RTF1: variants seen among roughly 807,000 people sequenced by gnomAD.
RTF1 encodes RTF1 homolog, Paf1/RNA polymerase II complex component.
Under a neutral mutation model 95.7 loss-of-function variants are expected in RTF1, and 10 were observed. The ratio of observed to expected loss-of-function variants is 0.10; its 90% CI spans 0.06 to 0.18. The LOEUF (loss-of-function observed/expected upper bound fraction) is 0.18, where lower values mean the gene tolerates loss of function less well. Ranked by LOEUF, RTF1 falls within the 10% of genes least tolerant of loss-of-function variation. The pLI is 1.00. For missense variants in RTF1, 458 were observed against 875.6 expected, an observed-to-expected ratio of 0.52 and a Z score of 6.02; for synonymous variants, 305 against 311.8, an observed-to-expected ratio of 0.98 and a Z score of 0.23.
At chr15:41,449,606 G>T (rs1223962077) in intron 2 of RTF1, among the ~76,000 whole-genome samples, 1 of 151,810 alleles carries the variant, frequency 6.6e-6, no homozygotes, top group Non-Finnish European at 1.5e-5. Flanking sequence ...GCCTCCCAAA[G>T]TGCTGGGATT....
chr15:41,427,033 G>A (rs1275534689), intron 1 of RTF1, among the ~76,000 whole-genome samples: 3 of 150,446 alleles, frequency 2.0e-5, no homozygotes, highest in African/African-American at 7.3e-5. Context: ...GTAGAGATAG[G>A]GTTTCACCAT....
Position 41,480,575 on chromosome 15 carries a change from CCA to C in RTF1, c.2027-3_2027-2del, listed in dbSNP as rs779546321. 6 of 1,609,434 alleles carry C rather than the reference CCA, an allele frequency of 3.7e-6. No homozygotes were observed. The Middle Eastern group carries it at 9.9e-4, about 266-fold the overall frequency. ...TCAGCTGCCAACTTGCTCTTCTTTC[CCA>C]CAGAGTCAAAGGCTTTAGCCATCAC... is the stretch of plus-strand genomic sequence containing the variant. On this transcript the variant is annotated splice_region_variant and splice_polypyrimidine_tract_variant and intron_variant, in intron 17 of 17. Coordinates refer to ENST00000389629, the MANE Select transcript of RTF1 (RefSeq NM_015138.5).
At chr15:41,456,641 A>G (rs1383252565) in intron 3 of RTF1, among the ~76,000 whole-genome samples, 1 of 151,806 alleles carries the variant, frequency 6.6e-6, no homozygotes, top group Non-Finnish European at 1.5e-5. Context: ...TGCTGAAAAT[A>G]TAAAAATTAG....
At chr15:41,434,784 T>C (rs536714468) in intron 1 of RTF1, among the ~76,000 whole-genome samples, 67 of 151,576 alleles carry the variant, frequency 4.4e-4, no homozygotes, top group Non-Finnish European at 9.0e-4. Context: ...CACATCACCA[T>C]GCCCGGCTAA....
At chr15:41,450,996 T>A (rs960251639) in intron 2 of RTF1, among the ~76,000 whole-genome samples, 3 of 152,074 alleles carry the variant, frequency 2.0e-5, no homozygotes, top group African/African-American at 7.2e-5. Flanking sequence ...TTACAATGTT[T>A]TGTGAAGGTA....
chr15:41,419,364 C>T (rs2050589039), intron 1 of RTF1, among the ~76,000 whole-genome samples: 1 of 152,072 alleles, frequency 6.6e-6, no homozygotes, highest in Non-Finnish European at 1.5e-5. Flanking sequence ...CTCTACTTTA[C>T]ATAAAGAAAA....
Position 41,466,270 on chromosome 15 carries a change from A to G in RTF1, c.889+18A>G. On this transcript the variant is annotated intron_variant, in intron 6 of 17. Transcript: ENST00000389629. ...CAGAACAGGTAAGCGAGGGAAATAT[A>G]ATGGCTACTTGTGTCTTTATATGAT... is the stretch of plus-strand genomic sequence containing the variant. 1 of 1,474,850 alleles carries G rather than the reference A, an allele frequency of 6.8e-7. No homozygotes were observed. The highest frequency in any genetic ancestry group is 9.1e-7 in the Non-Finnish European group (1 of 1,093,558). 91.4% of individuals were successfully genotyped at this position (1,474,850 alleles called of 1,614,324 possible). A position where few individuals can be genotyped will look rare whatever the true frequency, so the allele number is the denominator to read the frequency against.
chr15:41,437,406 G>A (rs951876568), intron 1 of RTF1, among the ~76,000 whole-genome samples: 1 of 151,840 alleles, frequency 6.6e-6, no homozygotes, highest in Non-Finnish European at 1.5e-5. Flanking sequence ...TGAGGCAGGA[G>A]AATGGTGTGA....
chr15:41,440,025 A>T (rs1285675343), intron 2 of RTF1, among the ~76,000 whole-genome samples: 1 of 152,138 alleles, frequency 6.6e-6, no homozygotes, highest in Non-Finnish European at 1.5e-5. Flanking sequence ...CTTTCAGTGT[A>T]ATTTCTTACC....
chr15:41,455,865 A>G (rs2050812102), intron 3 of RTF1, among the ~76,000 whole-genome samples: 1 of 151,930 alleles, frequency 6.6e-6, no homozygotes, highest in African/African-American at 2.4e-5. Flanking sequence ...TACAGTGTAC[A>G]CTGCTTGGGT....
chr15:41,452,742 A>C (rs1717683202), intron 2 of RTF1, among the ~76,000 whole-genome samples, 159 bp from the exon 3 acceptor site: 5 of 152,106 alleles, frequency 3.3e-5, no homozygotes, highest in Non-Finnish European at 1.5e-5. Context: ...TCAAAAAAAA[A>C]ATTTTTTTTT....
chr15:41,445,441 A>AT (rs1167921213), intron 2 of RTF1, among the ~76,000 whole-genome samples: 4 of 152,098 alleles, frequency 2.6e-5, no homozygotes, highest in African/African-American at 9.7e-5. Flanking sequence ...TATATTGTTC[A>AT]TTTTTTGGTA....
At chr15:41,468,524 A>C (rs540351276) in intron 6 of RTF1, among the ~76,000 whole-genome samples, 4 of 151,986 alleles carry the variant, frequency 2.6e-5, no homozygotes, top group South Asian at 2.1e-4. Context: ...TCACCATGTT[A>C]GCCAGGATGG....
chr15:41,441,036 A>G (rs1319674530), intron 2 of RTF1, among the ~76,000 whole-genome samples: 2 of 128,072 alleles, frequency 1.6e-5, no homozygotes, highest in African/African-American at 3.1e-5. Context: ...CAGTGGCGTG[A>G]TCTCGGCTTA....
chr15:41,425,215 C>T (rs2050622973), intron 1 of RTF1, among the ~76,000 whole-genome samples: 1 of 152,060 alleles, frequency 6.6e-6, no homozygotes, highest in Non-Finnish European at 1.5e-5. Flanking sequence ...CATTCTCCTG[C>T]CTCAGCCTCC....
At chr15:41,464,954 G>GTGTA in intron 5 of RTF1, 69 bp downstream of exon 5, 1 of 1,461,960 alleles carries the variant, frequency 6.8e-7, no homozygotes, top group Non-Finnish European at 9.0e-7. Flanking sequence ...GTGTGTGTGT[G>GTGTA]TGTGTGTGTG....
intron 2 of RTF1, among the ~76,000 whole-genome samples, chr15:41,452,532 A>C (rs760838253): frequency 8.5e-5 from 13 of 152,120 alleles, no homozygotes; most frequent in Non-Finnish European, 1.3e-4. Flanking sequence ...TCAGGAGTTC[A>C]AGACCAGCCT....
In RTF1 at chr15:41,475,620, G is replaced by A; in HGVS notation, c.1374+8G>A. 6 of 1,612,844 alleles carry A rather than the reference G, an allele frequency of 3.7e-6. No individual in the cohort carries two copies. Among genetic ancestry groups the A allele is most frequent in the Non-Finnish European group, 5.1e-6 (6 of 1,178,906 alleles). On this transcript the variant is annotated splice_region_variant and intron_variant, in intron 10 of 17. Coordinates refer to ENST00000389629, the MANE Select transcript of RTF1 (RefSeq NM_015138.5). ...ATGAAGTGGAAAGAAGCGGTACGTG[G>A]CTAGAGATTACCTAGCAGTTGTTCG... is the stretch of plus-strand genomic sequence containing the variant.
chr15:41,428,022 G>C (rs760721241), intron 1 of RTF1, among the ~76,000 whole-genome samples: 4 of 151,360 alleles, frequency 2.6e-5, no homozygotes, highest in Non-Finnish European at 5.9e-5. Context: ...CCTGACCTCA[G>C]GTGATCTGCC....
Sources: allele counts gnomAD v4.1 joint callset (sites outside exome capture counted in the v4.1 genomes callset), GRCh38; gene constraint gnomAD v4.1.1; transcripts MANE v1.5; gene names NCBI Gene and HGNC (gene_info 2026-07-23, HGNC 2026-07-21).